VAV3: variants seen among roughly 807,000 people sequenced by gnomAD.
VAV3 encodes vav guanine nucleotide exchange factor 3.
VAV3 carries 94 observed loss-of-function variants against 131.2 expected under a neutral mutation model. The ratio of observed to expected loss-of-function variants is 0.72; its 90% CI spans 0.61 to 0.85. The LOEUF is 0.85. Ranked by LOEUF, VAV3 falls within the 40% of genes least tolerant of loss-of-function variation. The pLI, the probability that VAV3 is intolerant of heterozygous loss-of-function variation, is 0.00. For missense variants in VAV3, 939 were observed against 1,002.7 expected, an observed-to-expected ratio of 0.94 and a Z score of 0.86; for synonymous variants, 349 against 342.0, an observed-to-expected ratio of 1.02 and a Z score of -0.22.
intron 2 of VAV3, among the ~76,000 whole-genome samples, chr1:107,833,703 G>C (rs897349729): frequency 6.6e-6 from 1 of 152,170 alleles, no homozygotes; most frequent in Admixed American, 6.5e-5. Flanking sequence ...CGTGTGGTCA[G>C]TGCCTATTTC....
chr1:107,949,092 G>T (rs2101325404), intron 1 of VAV3, among the ~76,000 whole-genome samples: 1 of 152,274 alleles, frequency 6.6e-6, no homozygotes, highest in East Asian at 1.9e-4. Flanking sequence ...ATACCATGCT[G>T]CCTCACAAGC....
At chr1:107,812,356 C>T (rs1667353195) in intron 2 of VAV3, among the ~76,000 whole-genome samples, 1 of 152,060 alleles carries the variant, frequency 6.6e-6, no homozygotes, top group Admixed American at 6.6e-5. Flanking sequence ...CGAAGAGTAT[C>T]CTGCTAACTC....
chr1:107,785,320 A>C, intron 2 of VAV3: 1 of 848,416 alleles, frequency 1.2e-6, no homozygotes, highest in Non-Finnish European at 1.6e-6. Flanking sequence ...AAAAGTTGCT[A>C]ATTAATTATG....
intron 20 of VAV3, among the ~76,000 whole-genome samples, chr1:107,639,491 G>A (rs533856879): frequency 6.6e-6 from 1 of 151,962 alleles, no homozygotes; most frequent in South Asian, 2.1e-4. Context: ...AAAAATGCAT[G>A]GCTCATTAAA....
At chr1:107,711,918 T>C (rs981332409) in intron 15 of VAV3, among the ~76,000 whole-genome samples, 7 of 152,086 alleles carry the variant, frequency 4.6e-5, no homozygotes, top group African/African-American at 1.7e-4. Context: ...ACTCCTGACC[T>C]CAGGTGATCT....
At chr1:107,952,838 T>C (rs1156638647) in intron 1 of VAV3, among the ~76,000 whole-genome samples, 2 of 152,102 alleles carry the variant, frequency 1.3e-5, no homozygotes, top group Non-Finnish European at 2.9e-5. Flanking sequence ...ATTTAAATAA[T>C]TGCTTCACTT....
chr1:107,576,581 A>T lies in VAV3; in HGVS notation c.2351-2383T>A. ...CACTTCTTTCCTATCACCATTTCTA[A>T]ATGAAGAACAAGCCAAACTTTTACA... On this transcript the variant is annotated intron_variant, in intron 25 of 26. Transcript: ENST00000370056. 3.1e-6 allele frequency: 3 copies of T among 959,120 alleles called. No homozygotes were observed. The South Asian group carries it at 6.0e-5, about 19-fold the overall frequency. 59.4% of individuals were successfully genotyped at this position (959,120 alleles called of 1,614,324 possible). A position where few individuals can be genotyped will look rare whatever the true frequency, so the allele number is the denominator to read the frequency against.
intron 2 of VAV3, among the ~76,000 whole-genome samples, chr1:107,846,986 C>T (rs189966094): frequency 1.3e-5 from 2 of 152,274 alleles, no homozygotes; most frequent in African/African-American, 4.8e-5. Context: ...CTCAGCACCA[C>T]ATTGCACTTA....
In VAV3 at chr1:107,772,781, C is replaced by T. The variant is rs993480779; in HGVS notation, c.509G>A (p.Gly170Glu). ...YDCVYGEDEGGEVYEDLMKAE... is the reference protein window; with the variant it reads ...YDCVYGEDEGEEVYEDLMKAE... Reference sequence around the variant, plus strand: ...CTTCATTAAGTCCTCATAGACTTCTCCACCTTCATCTTCCCCATAAACACA... The same window carrying T: ...CTTCATTAAGTCCTCATAGACTTCTTCACCTTCATCTTCCCCATAAACACA... The change falls in exon 5 of 27, where the codon GGA (glycine) becomes GAA (glutamate). Residue 170 changes from glycine to glutamate, a missense_variant. By Grantham distance (98) the Gly-to-Glu change is moderately conservative (BLOSUM62 -2). Coordinates refer to ENST00000370056, the MANE Select transcript of VAV3 (RefSeq NM_006113.5). The T allele has an allele frequency of 8.1e-6, 13 of 1,613,774 alleles. No homozygotes were observed. The highest frequency in any genetic ancestry group is 1.1e-5 in the Non-Finnish European group (13 of 1,179,902).
chr1:107,845,640 C>A (rs567379310), intron 2 of VAV3, among the ~76,000 whole-genome samples: 2 of 152,150 alleles, frequency 1.3e-5, no homozygotes, highest in African/African-American at 4.8e-5. Flanking sequence ...AGCACGAGAA[C>A]TTCATGAAGC....
chr1:107,744,542 T>C (rs918661155), intron 15 of VAV3, among the ~76,000 whole-genome samples: 7 of 152,240 alleles, frequency 4.6e-5, no homozygotes, highest in African/African-American at 1.4e-4. Flanking sequence ...GTGATGCTTA[T>C]GGTATGCCTC....
intron 19 of VAV3, among the ~76,000 whole-genome samples, chr1:107,665,610 C>A (rs1052753048): frequency 1.3e-5 from 2 of 152,190 alleles, no homozygotes; most frequent in African/African-American, 2.4e-5. Context: ...TTATAGCTCA[C>A]AAATACACTT....
chr1:107,625,635 A>T (rs961445306), intron 20 of VAV3, among the ~76,000 whole-genome samples: 4 of 152,150 alleles, frequency 2.6e-5, no homozygotes, highest in Non-Finnish European at 4.4e-5. Flanking sequence ...GACGTTTTTA[A>T]CTCAGTGTGA....
chr1:107,825,165 T>C (rs984235312), intron 2 of VAV3, among the ~76,000 whole-genome samples: 4 of 152,186 alleles, frequency 2.6e-5, no homozygotes, highest in Admixed American at 6.5e-5. Flanking sequence ...AAGCCTAAAA[T>C]AGTTCCTTTC....
chr1:107,855,238 A>C (rs1669416935), intron 2 of VAV3, among the ~76,000 whole-genome samples: 1 of 152,160 alleles, frequency 6.6e-6, no homozygotes, highest in African/African-American at 2.4e-5. Flanking sequence ...CTGTCACAAA[A>C]AAGGCTCTTC....
chr1:107,740,715 T>G (rs947904176), intron 15 of VAV3, among the ~76,000 whole-genome samples: 2 of 152,256 alleles, frequency 1.3e-5, no homozygotes, highest in Admixed American at 1.3e-4. Flanking sequence ...CTAAGTCATC[T>G]TATTTGTGCT....
chr1:107,617,681 T>G, intron 20 of VAV3, 49 bp from the exon 21 acceptor site: 2 of 1,560,694 alleles, frequency 1.3e-6, no homozygotes, highest in Non-Finnish European at 1.8e-6. Flanking sequence ...TTACCACAAA[T>G]GATAACCCCA....
chr1:107,703,237 C>T (rs953433916), intron 17 of VAV3, among the ~76,000 whole-genome samples: 1 of 152,124 alleles, frequency 6.6e-6, no homozygotes, highest in African/African-American at 2.4e-5. Flanking sequence ...GTGATAAATT[C>T]TATTGGGGTG....
chr1:107,875,059 C>G (rs370660923), intron 1 of VAV3, 42 bp from the exon 2 acceptor site: 1 of 1,513,220 alleles, frequency 6.6e-7, no homozygotes, highest in African/African-American at 1.4e-5. Flanking sequence ...GTTAATTATT[C>G]TGAATGCTAT....
Sources: gnomAD v4.1 joint callset for allele counts (sites outside exome capture counted in the v4.1 genomes callset) on GRCh38, gnomAD v4.1.1 for gene constraint, MANE v1.5 for transcripts, NCBI Gene and HGNC (gene_info 2026-07-23, HGNC 2026-07-21) for gene names.